The following ZNF483 variants were observed in gnomAD, a reference collection of about 807,000 sequenced individuals.
ZNF483 encodes the protein zinc finger protein 483.
In ZNF483, 9 loss-of-function variants were observed where a neutral mutation model predicts 28.6. The ratio of observed to expected loss-of-function variants is 0.32; its 90% CI spans 0.19 to 0.55. The LOEUF (loss-of-function observed/expected upper bound fraction) is 0.55. Ranked by LOEUF, ZNF483 falls within the 20% of genes least tolerant of loss-of-function variation. The pLI, the probability that ZNF483 is intolerant of heterozygous loss-of-function variation, is 0.93. For missense variants in ZNF483, 675 were observed against 871.7 expected (o/e 0.77, Z 2.84); for synonymous variants, 322 against 306.2 (o/e 1.05, Z -0.54).
intron 1 of ZNF483, among the ~76,000 whole-genome samples, chr9:111,526,495 C>A (rs1827189277): frequency 6.6e-6 from 1 of 152,048 alleles, no homozygotes; most frequent in Non-Finnish European, 1.5e-5. Context: ...GAGTGAAGAA[C>A]CCTGTACTTA....
rs750448768 is a variant in ZNF483, at chr9:111,542,347, A to C, written c.1412A>C (p.Glu471Ala). The change falls in exon 6 of 6, where the codon GAA becomes GCA. Residue 471 changes from glutamate to alanine, a missense_variant. By Grantham distance (107) the Glu-to-Ala change is moderately radical (BLOSUM62 -1). Coordinates refer to ENST00000309235, the MANE Select transcript of ZNF483 (RefSeq NM_133464.5). The surrounding 1 kb of genome is among the most constrained non-coding windows in gnomAD (Gnocchi z 6.2). ...HTGEKPYMCN[E>A]CGKAFSDSSS... is the part of the protein sequence containing the mutation. Reference sequence around the variant, plus strand: ...GGAGAAAAACCCTATATGTGTAATGAATGTGGAAAAGCTTTTAGTGATAGT... The same window carrying C: ...GGAGAAAAACCCTATATGTGTAATGCATGTGGAAAAGCTTTTAGTGATAGT... The C allele has an allele frequency of 6.2e-7, 1 of 1,614,140 alleles. No individual in the cohort carries two copies. The highest frequency in any genetic ancestry group is 1.1e-5 in the South Asian group (1 of 91,080).
At chr9:111,557,454 T>C (rs200235053), downstream of ZNF483, among the ~76,000 whole-genome samples, 97 of 109,510 alleles carry the variant, frequency 8.9e-4, no homozygotes, top group Middle Eastern at 4.9e-3. Context: ...TTTTTTTTGC[T>C]TTTTTTTTGG....
Position 111,549,001 on chromosome 9 carries a change from C to T in ZNF483, c.*5831C>T, listed in dbSNP as rs1392502172. Among the ~76,000 whole-genome samples, 1 of 151,942 alleles carries T rather than the reference C, an allele frequency of 6.6e-6. No individual in the cohort carries two copies. The highest frequency in any genetic ancestry group is 6.6e-5 in the Admixed American group (1 of 15,246). On this transcript the variant is annotated 3_prime_UTR_variant, in exon 6 of 6. Coordinates refer to ENST00000309235, the MANE Select transcript of ZNF483 (RefSeq NM_133464.5). Reference sequence around the variant, plus strand: ...TTTCAGCAGCTTGATTATAACTTGTCTTGGTGTCTCTGTGGGGTGAGGGTA... The same window carrying T: ...TTTCAGCAGCTTGATTATAACTTGTTTTGGTGTCTCTGTGGGGTGAGGGTA...
At chr9:111,531,104 A>G (rs901708531) in intron 3 of ZNF483, 141 bp downstream of exon 3, 3 of 241,190 alleles carry the variant, frequency 1.2e-5, no homozygotes, top group African/African-American at 6.8e-5. Flanking sequence ...TGAGGCAGGA[A>G]GATCGCTTGA....
In ZNF483 at chr9:111,550,160, C is replaced by A. The variant is rs573446796; in HGVS notation, c.*6990C>A. 6.6e-6 allele frequency among the ~76,000 whole-genome samples: 1 copy of A among 152,074 alleles called. No homozygotes were observed. Among genetic ancestry groups the A allele is most frequent in the Non-Finnish European group, 1.5e-5 (1 of 68,014 alleles). ...TTGAATGCCTAAAGTTGTCTCAATT[C>A]TTTACAGAGCCTGCGTTTTTCCCTG... is the stretch of plus-strand genomic sequence containing the variant. On this transcript the variant is annotated 3_prime_UTR_variant, in exon 6 of 6. Transcript: ENST00000309235.
At chr9:111,570,271 C>T (rs1189277359) in intron 5 of ZNF483, 2 of 1,544,512 alleles carry the variant, frequency 1.3e-6, no homozygotes, top group Non-Finnish European at 8.7e-7. Flanking sequence ...GTGAAACAAG[C>T]AGTACAGGTC....
In ZNF483 at chr9:111,542,953, G is replaced by C; in HGVS notation, c.2018G>C (p.Ser673Thr). Residue 673 changes from serine to threonine, a missense_variant, in exon 6 of 6, where the codon AGT (serine) becomes ACT (threonine). Physicochemically the swap from Ser to Thr is moderately conservative, Grantham distance 58. This residue lies in a region of ZNF483 where 3 missense variants were observed against 20.7 expected (regional missense o/e 0.15). Coordinates refer to ENST00000309235, the MANE Select transcript of ZNF483 (RefSeq NM_133464.5). The surrounding 1 kb of genome is among the most constrained non-coding windows in gnomAD (Gnocchi z 6.2). Reference protein sequence around the residue: ...YKCKECGKSFSQSSSLNEHHR... With the variant: ...YKCKECGKSFTQSSSLNEHHR... ...TGTAAAGAATGTGGGAAGTCCTTCA[G>C]TCAGAGTTCATCTCTTAATGAGCAC... The C allele has an allele frequency of 1.2e-6, 2 of 1,614,120 alleles. No homozygotes were observed. Among genetic ancestry groups the C allele is most frequent in the Non-Finnish European group, 1.7e-6 (2 of 1,180,002 alleles).
At chr9:111,536,278 G>A (rs1254483444) in intron 5 of ZNF483, among the ~76,000 whole-genome samples, 2 of 151,860 alleles carry the variant, frequency 1.3e-5, no homozygotes, top group Non-Finnish European at 2.9e-5. Flanking sequence ...CCAGCACTTT[G>A]GGAGGCTGAG....
chr9:111,535,887 A>G (rs968337452), intron 5 of ZNF483, among the ~76,000 whole-genome samples: 4 of 143,238 alleles, frequency 2.8e-5, no homozygotes, highest in African/African-American at 1.0e-4. Context: ...TACAATTTAT[A>G]TATATTATTA....
At chr9:111,572,513 C>T (rs980644456) in intron 5 of ZNF483, among the ~76,000 whole-genome samples, 10 of 152,138 alleles carry the variant, frequency 6.6e-5, no homozygotes, top group South Asian at 2.1e-4. Context: ...TCGCTTGAAC[C>T]GGGGAGGCAG....
intron 1 of ZNF483, among the ~76,000 whole-genome samples, chr9:111,526,335 A>G (rs1589264168): frequency 6.6e-6 from 1 of 152,192 alleles, no homozygotes; most frequent in East Asian, 1.9e-4. Flanking sequence ...TGAGGTCATC[A>G]GACAGTGTCT....
chr9:111,570,063 T>G (rs1292478428), intron 5 of ZNF483: 1 of 1,613,380 alleles, frequency 6.2e-7, no homozygotes, highest in African/African-American at 1.3e-5. Flanking sequence ...AGTGTACAAT[T>G]GGAAGGGGTG....
At chr9:111,560,974 T>TATATAGAGAG (rs1564607823) in intron 5 of ZNF483, among the ~76,000 whole-genome samples, 1 of 9,334 alleles carries the variant, frequency 1.1e-4, no homozygotes, top group Non-Finnish European at 1.9e-4. Context: ...TATATATATA[T>TATATAGAGAG]AGAGAGAGAG....
At chr9:111,533,942 C>A in intron 4 of ZNF483, 77 bp downstream of exon 4, 1 of 1,540,472 alleles carries the variant, frequency 6.5e-7, no homozygotes, top group Non-Finnish European at 8.7e-7. Context: ...AAGGTAAGTG[C>A]TGTGTGAAGT....
chr9:111,527,469 A>T lies in ZNF483; in HGVS notation c.74A>T (p.Gln25Leu). 6.2e-7 allele frequency: 1 copy of T among 1,614,232 alleles called. No homozygotes were observed. The highest frequency in any genetic ancestry group is 2.2e-5 in the East Asian group (1 of 44,890). ...CCTCAAACTCTGGCCTCGACTGAAC[A>T]AAATGAGGTCCCAAGAGTGGTTACT... ...PEPQTLASTE[Q>L]NEVPRVVTSG... The change falls in exon 2 of 6, where the codon CAA becomes CTA. Residue 25 changes from glutamine (Q) to leucine (L), a missense_variant. By Grantham distance (113) the Gln-to-Leu change is moderately radical (BLOSUM62 -2). This residue lies in a region of ZNF483 where 525 missense variants were observed against 581.8 expected (regional missense o/e 0.90). Coordinates refer to ENST00000309235, the MANE Select transcript of ZNF483 (RefSeq NM_133464.5).
Position 111,533,819 on chromosome 9 carries a change from A to G in ZNF483, c.582A>G (p.Leu194=), listed in dbSNP as rs758912797. ...WKKLEPFQKE[L]YKEVLLENLR... ...AGCTGGAGCCTTTTCAAAAGGAGCT[A>G]TATAAGGAAGTGCTACTGGAAAACC... The change falls in exon 4 of 6, where the codon CTA becomes CTG. Residue 194 remains leucine, a synonymous_variant. Transcript: ENST00000309235. 21 of 1,595,196 alleles carry G rather than the reference A, an allele frequency of 1.3e-5. No individual in the cohort carries two copies. The highest frequency in any genetic ancestry group is 2.7e-5 in the African/African-American group (2 of 73,428).
chr9:111,540,909 G>A (rs545236753), intron 5 of ZNF483, among the ~76,000 whole-genome samples: 19 of 152,186 alleles, frequency 1.2e-4, no homozygotes, highest in Middle Eastern at 3.4e-3. Flanking sequence ...CCATAAAACC[G>A]AGATGGTAAT....
chr9:111,549,276 A>G lies in ZNF483; in HGVS notation c.*6106A>G, dbSNP rs1243767242. Among the ~76,000 whole-genome samples, 5 of 152,168 alleles carry G rather than the reference A, an allele frequency of 3.3e-5. No homozygotes were observed. The stretch of plus-strand genomic sequence containing the variant: ...GGAGAAATATCTTACAATTCTGAAA[A>G]CACACTGTCAAAATGCTTTTCATAA... On this transcript the variant is annotated 3_prime_UTR_variant, in exon 6 of 6. Coordinates refer to ENST00000309235, the MANE Select transcript of ZNF483 (RefSeq NM_133464.5).
intron 5 of ZNF483, among the ~76,000 whole-genome samples, chr9:111,537,335 C>T (rs1827537084): frequency 6.6e-6 from 1 of 151,912 alleles, no homozygotes; most frequent in Admixed American, 6.6e-5. Flanking sequence ...GATTCTGCTG[C>T]CTCAGCCCAC....
Sources: gnomAD v4.1 joint callset for allele counts (sites outside exome capture counted in the v4.1 genomes callset) on GRCh38, gnomAD v4.1.1 for gene constraint, gnomAD v4.1.1 regional missense constraint, Gnocchi (gnomAD v3.1) non-coding constraint, MANE v1.5 for transcripts, NCBI Gene and HGNC (gene_info 2026-07-23, HGNC 2026-07-21) for gene names.